RUFY2: variants seen among roughly 807,000 people sequenced by gnomAD.
RUFY2 encodes the protein RUN and FYVE domain containing 2, also known as RUN and FYVE domain-containing protein 2.
In RUFY2, 49 loss-of-function variants were observed where a neutral mutation model predicts 94.4. The ratio of observed to expected loss-of-function variants is 0.52; its 90% CI spans 0.41 to 0.66. The LOEUF (loss-of-function observed/expected upper bound fraction) is 0.66. Among genes scored for constraint, RUFY2 ranks in the 30% least tolerant of loss-of-function variants. The pLI, the probability that RUFY2 is intolerant of heterozygous loss-of-function variation, is 0.00. For synonymous variants in RUFY2, 255 were observed against 235.7 expected (o/e 1.08, Z -0.75); for missense variants, 541 against 692.8 (o/e 0.78, Z 2.46).
At chr10:68,380,738 C>T (rs1049005114) in intron 11 of RUFY2, among the ~76,000 whole-genome samples, 4 of 151,952 alleles carry the variant, frequency 2.6e-5, no homozygotes, top group Middle Eastern at 3.4e-3. Context: ...GGTATATGCC[C>T]GTAGTCCCAA....
chr10:68,376,440 G>GTATATATATATA (rs1203390579), intron 13 of RUFY2, among the ~76,000 whole-genome samples: 5 of 48,266 alleles, frequency 1.0e-4, no homozygotes, highest in Non-Finnish European at 1.5e-4. Flanking sequence ...AAAAAAATGT[G>GTATATATATATA]TGTATATATA....
chr10:68,389,567 G>A (rs2132981378), intron 7 of RUFY2, among the ~76,000 whole-genome samples: 1 of 151,936 alleles, frequency 6.6e-6, no homozygotes, highest in Non-Finnish European at 1.5e-5. Context: ...TCCAGCCTGG[G>A]TGAAAGAGCG....
intron 12 of RUFY2, chr10:68,378,482 C>A: frequency 7.3e-7 from 1 of 1,364,284 alleles, no homozygotes; most frequent in South Asian, 1.9e-5. Context: ...TATTTAATAG[C>A]ATTTAGATTC....
chr10:68,345,299 A>G lies in RUFY2; in HGVS notation c.*469T>C. 1 of 251,642 alleles carries G rather than the reference A, an allele frequency of 4.0e-6. No homozygotes were observed. Among genetic ancestry groups the G allele is most frequent in the East Asian group, 7.2e-5 (1 of 13,900 alleles). 15.6% of individuals were successfully genotyped at this position (251,642 alleles called of 1,614,324 possible). A position where few individuals can be genotyped will look rare whatever the true frequency, so the allele number is the denominator to read the frequency against. On this transcript the variant is annotated 3_prime_UTR_variant, in exon 18 of 18. Transcript: ENST00000602465. Reference sequence around the variant, plus strand: ...GGGAGAGGGGGAGAAGAAAGGGCAAATAAATATAGTTGAAATCTTACAAAG... The same window carrying G: ...GGGAGAGGGGGAGAAGAAAGGGCAAGTAAATATAGTTGAAATCTTACAAAG...
chr10:68,349,295 C>T (rs2046493156), intron 16 of RUFY2, among the ~76,000 whole-genome samples: 1 of 152,010 alleles, frequency 6.6e-6, no homozygotes, highest in African/African-American at 2.4e-5. Flanking sequence ...ACGGAAGGAT[C>T]GCTTGAGCCC....
At chr10:68,380,203 G>A (rs1041826923) in intron 11 of RUFY2, among the ~76,000 whole-genome samples, 1 of 150,082 alleles carries the variant, frequency 6.7e-6, no homozygotes, top group Non-Finnish European at 1.5e-5. Context: ...GCCTCCCTAA[G>A]TGCTAGGATT....
In RUFY2 at chr10:68,381,930, G is replaced by A. The variant is rs1329589362; in HGVS notation, c.940-531C>T. Among the ~76,000 whole-genome samples, 7 of 152,076 alleles carry A rather than the reference G, an allele frequency of 4.6e-5. No homozygotes were observed. The East Asian group carries it at 1.3e-3, about 29-fold the overall frequency. On this transcript the variant is annotated intron_variant, in intron 10 of 17. Transcript: ENST00000602465. ...ATTCTGTTAATCATTACTCTTTAAC[G>A]GTCCAAGAATTAATCATTTTTATGC... is the stretch of plus-strand genomic sequence containing the variant.
At chr10:68,393,914 T>C in intron 6 of RUFY2, 161 bp downstream of exon 6, 1 of 1,373,596 alleles carries the variant, frequency 7.3e-7, no homozygotes, top group Non-Finnish European at 9.5e-7. Flanking sequence ...TTTTCCATAA[T>C]CTGCTTTGTA....
At chr10:68,354,820 GT>G (rs1347202862) in intron 16 of RUFY2, among the ~76,000 whole-genome samples, 1 of 150,320 alleles carries the variant, frequency 6.7e-6, no homozygotes, top group Non-Finnish European at 1.5e-5. Flanking sequence ...TTGTAGGGAA[GT>G]AAACAAAATT....
chr10:68,377,370 C>T, intron 12 of RUFY2: 3 of 1,057,212 alleles, frequency 2.8e-6, no homozygotes, highest in Non-Finnish European at 3.4e-6. Flanking sequence ...GAAGAAGCCA[C>T]ACTGTTATAT....
intron 16 of RUFY2, among the ~76,000 whole-genome samples, chr10:68,352,948 T>C (rs1283733430): frequency 6.6e-6 from 1 of 151,078 alleles, no homozygotes; most frequent in Admixed American, 6.6e-5. Flanking sequence ...AATTATTAAC[T>C]CCAGAGGAAG....
At chr10:68,406,969 C>G (rs2051372883) in intron 1 of RUFY2, 2 of 1,542,622 alleles carry the variant, frequency 1.3e-6, no homozygotes, top group Non-Finnish European at 8.7e-7. Flanking sequence ...TGCCTCAGAA[C>G]CCGGGCGGGA....
At position 68,394,071 on chromosome 10, in the gene RUFY2, A is replaced by T. The variant is rs1564843021; in HGVS notation, c.584+4T>A. On this transcript the variant is annotated splice_donor_region_variant and intron_variant, in intron 6 of 17. Coordinates refer to ENST00000602465, the MANE Select transcript of RUFY2 (RefSeq NM_001330103.2). ...ATATGTGAAATAACTTATGAAAATC[A>T]TACCTTTCTTTATTTCCAATATCTT... 2.0e-6 allele frequency: 3 copies of T among 1,503,988 alleles called. No individual in the cohort carries two copies. Among genetic ancestry groups the T allele is most frequent in the Admixed American group, 2.3e-5 (1 of 43,328 alleles). The allele number at this position is 1,503,988 out of a possible 1,614,324, so 93.2% of individuals were successfully genotyped here. A position where few individuals can be genotyped will look rare whatever the true frequency, so the allele number is the denominator to read the frequency against.
At chr10:68,346,824 T>G (rs1414833712) in intron 16 of RUFY2, 1 of 152,198 alleles carries the variant, frequency 6.6e-6, no homozygotes, top group Non-Finnish European at 1.5e-5. Flanking sequence ...AACTTATACC[T>G]TAAGACCCTA....
chr10:68,382,311 C>CT (rs1334930749), intron 10 of RUFY2, among the ~76,000 whole-genome samples: 2 of 151,906 alleles, frequency 1.3e-5, no homozygotes, highest in East Asian at 3.9e-4. Context: ...CAGCCTCCGC[C>CT]TCCCAAAGTG....
intron 1 of RUFY2, 84 bp from the exon 2 acceptor site, chr10:68,404,928 A>C: frequency 8.7e-7 from 1 of 1,148,574 alleles, no homozygotes; most frequent in East Asian, 2.7e-5. Context: ...CCCTATAAAA[A>C]CCAACAGTAG....
rs752288965 is a variant in RUFY2 at position 68,401,657 on chromosome 10, C to G, written c.259G>C (p.Glu87Gln). Residue 87 changes from glutamate to glutamine, a missense_variant, in exon 3 of 18, where the codon GAA (glutamate) becomes CAA (glutamine). Transcript: ENST00000602465. The stretch of plus-strand genomic sequence containing the variant: ...AGATCCCGGACACTAGCTCCTATTT[C>G]CTCTGCTTCGGGGTACAGCTTCTCC... ...LVEKLYPEAEEIGASVRDLPG... is the reference protein window; with the variant it reads ...LVEKLYPEAEQIGASVRDLPG... 1.9e-6 allele frequency: 3 copies of G among 1,613,896 alleles called. No individual in the cohort carries two copies. The East Asian group carries it at 6.7e-5, about 36-fold the overall frequency.
intron 16 of RUFY2, among the ~76,000 whole-genome samples, chr10:68,348,750 A>C (rs1221780522): frequency 6.6e-6 from 1 of 152,164 alleles, no homozygotes; most frequent in East Asian, 1.9e-4. Context: ...CTCACTTTAA[A>C]GTAAGCCTAG....
intron 13 of RUFY2, among the ~76,000 whole-genome samples, chr10:68,367,256 AG>A (rs2047915575): frequency 6.6e-6 from 1 of 152,188 alleles, no homozygotes; most frequent in South Asian, 2.1e-4. Flanking sequence ...ATTCAGTAAC[AG>A]AGTACCAGAG....
Sources: allele counts gnomAD v4.1 joint callset (sites outside exome capture counted in the v4.1 genomes callset), GRCh38; gene constraint gnomAD v4.1.1; transcripts MANE v1.5; gene names NCBI Gene and HGNC (gene_info 2026-07-23, HGNC 2026-07-21).